TLN2: variants seen among roughly 807,000 people sequenced by gnomAD.
The protein encoded by TLN2 is talin 2, also known as talin-2.
Under a neutral mutation model 294.7 loss-of-function variants are expected in TLN2, and 118 were observed. That is an observed-to-expected ratio of 0.40 (90% CI 0.34 to 0.47). The LOEUF (loss-of-function observed/expected upper bound fraction) is 0.47. Ranked by LOEUF, TLN2 falls within the 20% of genes least tolerant of loss-of-function variation. TLN2 has a pLI of 0.84. For synonymous variants in TLN2, 1,431 were observed against 1,304.5 expected, an observed-to-expected ratio of 1.10 and a Z score of -2.09; for missense variants, 3,083 against 3,282.2, an observed-to-expected ratio of 0.94 and a Z score of 1.48.
chr15:62,609,659 C>T (rs992990427), intron 2 of TLN2, among the ~76,000 whole-genome samples: 13 of 152,206 alleles, frequency 8.5e-5, no homozygotes, highest in East Asian at 3.9e-4. Flanking sequence ...CTTTTTGCAC[C>T]GCATCATGTG....
At position 62,664,587 on chromosome 15, in the gene TLN2, G is replaced by A. The variant is rs147108980; in HGVS notation, c.788+6689G>A. Reference sequence around the variant, plus strand: ...CTTCAAAAAAGTGGCAGCTGGGCGCGTTGGCCCACGCCTGTAATCCCAGCA... The same window carrying A: ...CTTCAAAAAAGTGGCAGCTGGGCGCATTGGCCCACGCCTGTAATCCCAGCA... On this transcript the variant is annotated intron_variant, in intron 9 of 58. Coordinates refer to ENST00000636159, the MANE Select transcript of TLN2 (RefSeq NM_015059.3). Among the ~76,000 whole-genome samples, 1,482 of 151,988 alleles carry A rather than the reference G, an allele frequency of 9.8e-3. 49 individuals are homozygous for A. Among genetic ancestry groups the A allele is most frequent in the African/African-American group, 0.034 (1,389 of 41,344 alleles).
chr15:62,443,106 T>G (rs2035637323), intron 1 of TLN2, among the ~76,000 whole-genome samples: 1 of 152,148 alleles, frequency 6.6e-6, no homozygotes. Context: ...CATCTCAAGA[T>G]CCTCCTCAAT....
chr15:62,821,584 G>T (rs1287866700), intron 54 of TLN2, among the ~76,000 whole-genome samples: 2 of 152,218 alleles, frequency 1.3e-5, no homozygotes, highest in African/African-American at 4.8e-5. Flanking sequence ...GACTGAGTCT[G>T]TTCAGCTTGG....
At chr15:62,442,892 C>G (rs1475954819) in intron 1 of TLN2, among the ~76,000 whole-genome samples, 1 of 152,144 alleles carries the variant, frequency 6.6e-6, no homozygotes, top group African/African-American at 2.4e-5. Context: ...CTTTTTCCAG[C>G]TTCTTGAGGC....
chr15:62,667,235 G>A (rs1377615318), intron 9 of TLN2, among the ~76,000 whole-genome samples: 1 of 152,132 alleles, frequency 6.6e-6, no homozygotes, highest in African/African-American at 2.4e-5. Flanking sequence ...CAAAGTGCTG[G>A]GATTACAGGC....
chr15:62,755,509 C>T, intron 36 of TLN2, 23 bp from the exon 37 acceptor site: 1 of 1,612,292 alleles, frequency 6.2e-7, no homozygotes, highest in Non-Finnish European at 8.5e-7. Flanking sequence ...GGGGTACCCC[C>T]AACCTAGCTC....
chr15:62,740,472 C>A, intron 31 of TLN2, 158 bp from the exon 32 acceptor site: 1 of 828,806 alleles, frequency 1.2e-6, no homozygotes, highest in Non-Finnish European at 1.9e-6. Flanking sequence ...AGACACTGGT[C>A]AGTGTCTCAA....
intron 22 of TLN2, among the ~76,000 whole-genome samples, chr15:62,713,143 C>T (rs1351156259): frequency 6.6e-6 from 1 of 151,724 alleles, no homozygotes; most frequent in African/African-American, 2.4e-5. Context: ...GTGGTGTTCG[C>T]CTGTAATTCC....
At position 62,418,648 on chromosome 15, in the gene TLN2, G is replaced by A. The variant is rs116685910; in HGVS notation, c.-238+27963G>A. On this transcript the variant is annotated intron_variant, in intron 1 of 58. Transcript: ENST00000636159. ...CAGGTGGGATGAGTCAGAAAAGAGA[G>A]TCAGTAAAAGGTGGTTGGATTATCA... Among the ~76,000 whole-genome samples the A allele has an allele frequency of 2.4e-3, 362 of 152,336 alleles. 1 individual carries two copies. Among genetic ancestry groups the A allele is most frequent in the African/African-American group, 8.5e-3 (352 of 41,564 alleles).
chr15:62,585,524 AG>A (rs1342481400), intron 1 of TLN2, among the ~76,000 whole-genome samples: 3 of 152,134 alleles, frequency 2.0e-5, no homozygotes, highest in Non-Finnish European at 2.9e-5. Flanking sequence ...GCAGGAGCAG[AG>A]TTAAGGCCTG....
intron 1 of TLN2, among the ~76,000 whole-genome samples, chr15:62,485,649 C>T (rs535954567): frequency 2.0e-5 from 3 of 152,342 alleles, no homozygotes; most frequent in Admixed American, 2.0e-4. Context: ...TTCCTCCCCT[C>T]TCCCACTCCC....
At chr15:62,534,524 C>T (rs2041228859) in intron 1 of TLN2, among the ~76,000 whole-genome samples, 1 of 152,222 alleles carries the variant, frequency 6.6e-6, no homozygotes, top group Admixed American at 6.5e-5. Context: ...CTCCAAGAAC[C>T]TGCATGTGTT....
At chr15:62,501,121 A>T (rs2039281911) in intron 1 of TLN2, among the ~76,000 whole-genome samples, 1 of 152,272 alleles carries the variant, frequency 6.6e-6, no homozygotes, top group South Asian at 2.1e-4. Context: ...TGAGCAAAAG[A>T]TAAATGACCT....
intron 1 of TLN2, among the ~76,000 whole-genome samples, chr15:62,393,289 G>T (rs192872254): frequency 6.2e-4 from 95 of 152,290 alleles, no homozygotes; most frequent in East Asian, 3.5e-3. Flanking sequence ...CCTCGAAAGA[G>T]AAAGCGAACT....
intron 3 of TLN2, chr15:62,640,359 G>A: frequency 2.2e-6 from 1 of 457,062 alleles, no homozygotes; most frequent in African/African-American, 2.0e-5. Context: ...TGGAGAGTGA[G>A]TGGCTAGAGG....
chr15:62,653,861 GT>G (rs1362411653), intron 7 of TLN2, among the ~76,000 whole-genome samples: 5 of 151,734 alleles, frequency 3.3e-5, no homozygotes, highest in South Asian at 4.2e-4. Flanking sequence ...TTTTTTAATA[GT>G]GTGAACTGGG....
chr15:62,786,229 CT>C (rs1267038726), intron 45 of TLN2, among the ~76,000 whole-genome samples: 1 of 152,162 alleles, frequency 6.6e-6, no homozygotes, highest in East Asian at 1.9e-4. Flanking sequence ...AGAGGGCCCC[CT>C]ATCACAACAT....
Position 62,582,246 on chromosome 15 carries a change from A to ACACC in TLN2, c.-237-7439_-237-7438insCCCA, listed in dbSNP as rs764248336. Among the ~76,000 whole-genome samples the ACACC allele has an allele frequency of 1.3e-3, 174 of 137,298 alleles. 1 individual carries two copies. Among genetic ancestry groups the ACACC allele is most frequent in the Admixed American group, 8.1e-3 (107 of 13,266 alleles). The allele number at this position is 137,298 out of a possible 152,430, so 90.1% of individuals were successfully genotyped here. On this transcript the variant is annotated intron_variant, in intron 1 of 58. Transcript: ENST00000636159. Reference sequence around the variant, plus strand: ...CACACACACACACACACACACACACACATTCATGCCTGACCCATTCCTGAC... The same window carrying ACACC: ...CACACACACACACACACACACACACACACCCATTCATGCCTGACCCATTCCTGAC...
intron 2 of TLN2, among the ~76,000 whole-genome samples, chr15:62,599,813 G>A (rs1044379931): frequency 3.9e-5 from 6 of 152,274 alleles, no homozygotes; most frequent in African/African-American, 7.2e-5. Context: ...CTGTGTGAAC[G>A]TGGGAGTGAG....
Sources: gnomAD v4.1 joint callset for allele counts (sites outside exome capture counted in the v4.1 genomes callset) on GRCh38, gnomAD v4.1.1 for gene constraint, MANE v1.5 for transcripts, NCBI Gene and HGNC (gene_info 2026-07-23, HGNC 2026-07-21) for gene names.